Variants in SORCS2 observed in about 807,000 individuals in gnomAD.
The protein encoded by SORCS2 is sortilin related VPS10 domain containing receptor 2.
In SORCS2, 100 loss-of-function variants were observed where a neutral mutation model predicts 141.6. The observed-to-expected ratio is 0.71, with a 90% CI of 0.60 to 0.83. The LOEUF (loss-of-function observed/expected upper bound fraction) is 0.83, where lower values mean the gene tolerates loss of function less well. SORCS2 is among the 40% of genes least tolerant of loss of function. The probability of loss-of-function intolerance (pLI) is 0.00; values close to 1 mark genes in which losing one functional copy is unlikely to be tolerated. For synonymous variants in SORCS2, 789 were observed against 676.9 expected (o/e 1.17, Z -2.57); for missense variants, 1,646 against 1,560.2 (o/e 1.05, Z -0.93).
At chr4:7,302,795 G>A (rs550776535) in intron 1 of SORCS2, among the ~76,000 whole-genome samples, 16 of 142,768 alleles carry the variant, frequency 1.1e-4, no homozygotes, top group East Asian at 2.0e-4. Context: ...GTGTGCGCGC[G>A]CGTGTGTGTG....
chr4:7,468,941 T>C (rs1320742849), intron 2 of SORCS2, among the ~76,000 whole-genome samples: 2 of 152,154 alleles, frequency 1.3e-5, no homozygotes, highest in Admixed American at 6.5e-5. Context: ...TCACTTAACC[T>C]CTCTGAACTG....
intron 1 of SORCS2, among the ~76,000 whole-genome samples, chr4:7,211,023 G>C (rs1350711277): frequency 6.6e-6 from 1 of 152,206 alleles, no homozygotes; most frequent in East Asian, 1.9e-4. Flanking sequence ...AATGCCTGAG[G>C]GTTTGTAAGC....
rs990032012 is a variant in SORCS2, at chr4:7,194,235, G to A, written c.480+1109G>A. On this transcript the variant is annotated intron_variant, in intron 1 of 26. Transcript: ENST00000507866. ...GGGGTCCCCTAGGAGACCTCTTCTC[G>A]CTTCCCAAAGGGCCAGGGTTCCTAT... is the stretch of plus-strand genomic sequence containing the variant. 3.9e-5 allele frequency among the ~76,000 whole-genome samples: 6 copies of A among 151,992 alleles called. 1 individual carries two copies. In the East Asian group the frequency reaches 1.2e-3, roughly 29 times the overall value.
intron 9 of SORCS2, 53 bp downstream of exon 9, chr4:7,676,282 C>A: frequency 1.3e-6 from 2 of 1,520,496 alleles, no homozygotes; most frequent in Admixed American, 2.0e-5. Flanking sequence ...CTGCCCTCTG[C>A]CCTCTCACCC....
chr4:7,272,385 C>T (rs1391213514), intron 1 of SORCS2, among the ~76,000 whole-genome samples: 5 of 152,228 alleles, frequency 3.3e-5, no homozygotes, highest in Admixed American at 3.3e-4. Flanking sequence ...TTATAAGCCA[C>T]ACTCTGATTT....
intron 2 of SORCS2, among the ~76,000 whole-genome samples, chr4:7,496,457 C>A (rs1320911077): frequency 1.3e-5 from 1 of 77,338 alleles, no homozygotes; most frequent in African/African-American, 4.0e-5. Flanking sequence ...ACCCGTTCCC[C>A]GTCCCCCGTC....
chr4:7,654,594 C>T (rs941616443), intron 5 of SORCS2, among the ~76,000 whole-genome samples: 1 of 152,142 alleles, frequency 6.6e-6, no homozygotes, highest in African/African-American at 2.4e-5. Flanking sequence ...CCCGGCCCAC[C>T]ACTCCGCACT....
intron 4 of SORCS2, among the ~76,000 whole-genome samples, chr4:7,647,099 G>C (rs1378836578): frequency 6.6e-6 from 1 of 152,174 alleles, no homozygotes; most frequent in Non-Finnish European, 1.5e-5. Context: ...GGACGAGAGG[G>C]AAGTAGGGAT....
At chr4:7,532,854 G>A (rs567987869) in intron 3 of SORCS2, among the ~76,000 whole-genome samples, 18 of 152,226 alleles carry the variant, frequency 1.2e-4, no homozygotes, top group African/African-American at 3.9e-4. Flanking sequence ...GATTTCTGCT[G>A]TAGGAGCTTC....
At chr4:7,273,373 G>C (rs1715267570) in intron 1 of SORCS2, among the ~76,000 whole-genome samples, 1 of 152,116 alleles carries the variant, frequency 6.6e-6, no homozygotes, top group South Asian at 2.1e-4. Context: ...TCTGTCTTGG[G>C]GACCATGGCA....
chr4:7,476,280 A>G (rs192464080), intron 2 of SORCS2, among the ~76,000 whole-genome samples: 3 of 152,302 alleles, frequency 2.0e-5, no homozygotes, highest in African/African-American at 7.2e-5. Context: ...AACTTGGCTC[A>G]TGCAATTGTT....
At chr4:7,402,079 A>G (rs1414638540) in intron 2 of SORCS2, among the ~76,000 whole-genome samples, 2 of 152,186 alleles carry the variant, frequency 1.3e-5, no homozygotes, top group East Asian at 3.9e-4. Context: ...GTGGATGGTG[A>G]GCAGGAATAA....
chr4:7,205,699 C>T (rs1055648323), intron 1 of SORCS2, among the ~76,000 whole-genome samples: 1 of 152,218 alleles, frequency 6.6e-6, no homozygotes, highest in Non-Finnish European at 1.5e-5. Context: ...CATCCAAGTT[C>T]ATGGGTTCCT....
intron 1 of SORCS2, among the ~76,000 whole-genome samples, chr4:7,381,575 T>C (rs1432644257): frequency 1.3e-5 from 2 of 152,164 alleles, no homozygotes; most frequent in African/African-American, 4.8e-5. Context: ...GGAGGGTGGC[T>C]GTGCAGGTGT....
intron 3 of SORCS2, among the ~76,000 whole-genome samples, chr4:7,591,811 G>C (rs1577804225): frequency 6.6e-6 from 1 of 152,160 alleles, no homozygotes; most frequent in Non-Finnish European, 1.5e-5. Flanking sequence ...AGGGGTGCCC[G>C]CCGCACGGAT....
Position 7,717,961 on chromosome 4 carries a change from A to G in SORCS2, c.2253-51A>G. Reference sequence around the variant, plus strand: ...GTCCCTCCCCAGACTATGGGGCCCCATCCCTTGCCACCTGTCTGAAGCGGA... The same window carrying G: ...GTCCCTCCCCAGACTATGGGGCCCCGTCCCTTGCCACCTGTCTGAAGCGGA... On this transcript the variant is annotated intron_variant, in intron 17 of 26. Coordinates refer to ENST00000507866, the MANE Select transcript of SORCS2 (RefSeq NM_020777.3). 6 of 1,514,802 alleles carry G rather than the reference A, an allele frequency of 4.0e-6. No individual in the cohort carries two copies. The South Asian group carries it at 5.2e-5, about 13-fold the overall frequency. 93.8% of individuals were successfully genotyped at this position (1,514,802 alleles called of 1,614,324 possible).
chr4:7,453,540 G>C (rs1226208081), intron 2 of SORCS2, among the ~76,000 whole-genome samples: 2 of 146,768 alleles, frequency 1.4e-5, no homozygotes, highest in East Asian at 4.2e-4. Flanking sequence ...CACTGTGTTG[G>C]GGTCAGGTGC....
intron 1 of SORCS2, among the ~76,000 whole-genome samples, chr4:7,270,130 C>G (rs1056724845): frequency 1.3e-5 from 2 of 152,246 alleles, no homozygotes; most frequent in Admixed American, 1.3e-4. Context: ...ATCCTCCCGC[C>G]TTGGCCTCCC....
chr4:7,232,136 G>GTGGA (rs1295987739), intron 1 of SORCS2, among the ~76,000 whole-genome samples: 2 of 152,222 alleles, frequency 1.3e-5, no homozygotes, highest in Non-Finnish European at 2.9e-5. Context: ...GGGGCACAGC[G>GTGGA]TGGAGCAGGA....
Sources: allele counts gnomAD v4.1 joint callset (sites outside exome capture counted in the v4.1 genomes callset), GRCh38; gene constraint gnomAD v4.1.1; transcripts MANE v1.5; gene names NCBI Gene and HGNC (gene_info 2026-07-23, HGNC 2026-07-21).